HOATZ: variants seen among roughly 807,000 people sequenced by gnomAD.
HOATZ encodes HOATZ cilia and flagella associated protein.
Under a neutral mutation model 24.9 loss-of-function variants are expected in HOATZ, and 26 were observed. The observed-to-expected ratio is 1.04, with a 90% confidence interval of 0.76 to 1.45. The LOEUF (loss-of-function observed/expected upper bound fraction) is 1.45. Ranked by LOEUF, HOATZ falls within the 40% of genes most tolerant of loss-of-function variation. The pLI is 0.00. For synonymous variants in HOATZ, 83 were observed against 76.6 expected (o/e 1.08, Z -0.43); for missense variants, 226 against 201.5 (o/e 1.12, Z -0.74).
chr11:111,521,402 A>G (rs1367549690), intron 3 of HOATZ, among the ~76,000 whole-genome samples: 1 of 152,228 alleles, frequency 6.6e-6, no homozygotes, highest in Non-Finnish European at 1.5e-5. Context: ...GCAAAAATGT[A>G]GGGAATTTCC....
chr11:111,517,024 A>C (rs1281967479), intron 3 of HOATZ, among the ~76,000 whole-genome samples: 1 of 152,198 alleles, frequency 6.6e-6, no homozygotes, highest in African/African-American at 2.4e-5. Context: ...GCAAAAATAG[A>C]GGATTCATTT....
Position 111,516,077 on chromosome 11 carries a change from G to C in HOATZ, c.306G>C (p.Gln102His). Residue 102 changes from glutamine to histidine, a missense_variant, in exon 3 of 6, where the codon CAG becomes CAC. Physicochemically the swap from Gln to His is conservative, Grantham distance 24. Coordinates refer to ENST00000375618, the MANE Select transcript of HOATZ (RefSeq NM_001100388.2). ...TCTTTGCCGAAGCCCTAAAGATACA[G>C]GAATCTGAGGAGAAAGTAAAGTATC... is the stretch of plus-strand genomic sequence containing the variant. ...RDIFAEALKI[Q>H]ESEEKVKYLQ... is the part of the protein sequence containing the mutation. 1 of 1,600,568 alleles carries C rather than the reference G, an allele frequency of 6.2e-7. No homozygotes were observed. The highest frequency in any genetic ancestry group is 8.5e-7 in the Non-Finnish European group (1 of 1,172,316).
intron 3 of HOATZ, among the ~76,000 whole-genome samples, chr11:111,517,161 G>A (rs1476189387): frequency 5.9e-5 from 9 of 152,034 alleles, no homozygotes; most frequent in Non-Finnish European, 1.0e-4. Flanking sequence ...TGGACTACTG[G>A]TGCTTCCCTC....
rs1565254835 is a variant in HOATZ at position 111,534,515 on chromosome 11, AG to A, written c.452+54del. 3 of 1,364,368 alleles carry A rather than the reference AG, an allele frequency of 2.2e-6. No individual in the cohort carries two copies. The South Asian group carries it at 3.6e-5, about 16-fold the overall frequency. 84.5% of individuals were successfully genotyped at this position (1,364,368 alleles called of 1,614,324 possible). Reference sequence around the variant, plus strand: ...TCTCTCACCTTTCAACTTACTGTGTAGGGAAGCATTTCTTTTTTCTTACTTT... The same window carrying A: ...TCTCTCACCTTTCAACTTACTGTGTAGGAAGCATTTCTTTTTTCTTACTTT... On this transcript the variant is annotated intron_variant, in intron 5 of 5. Coordinates refer to ENST00000375618, the MANE Select transcript of HOATZ (RefSeq NM_001100388.2).
chr11:111,533,431 A>C (rs1867414508), intron 3 of HOATZ, among the ~76,000 whole-genome samples: 1 of 152,028 alleles, frequency 6.6e-6, no homozygotes, highest in Admixed American at 6.6e-5. Flanking sequence ...AATAAATATT[A>C]GTTTTTTTTT....
At chr11:111,529,792 G>A (rs913921163) in intron 3 of HOATZ, among the ~76,000 whole-genome samples, 54 of 152,146 alleles carry the variant, frequency 3.5e-4, no homozygotes, top group African/African-American at 1.3e-3. Context: ...TGTTTATTAA[G>A]AGCTTTTTTT....
intron 3 of HOATZ, among the ~76,000 whole-genome samples, chr11:111,531,804 C>T (rs1867396071): frequency 6.6e-6 from 1 of 152,168 alleles, no homozygotes; most frequent in South Asian, 2.1e-4. Context: ...GCACCCAGTT[C>T]ACCAGCCAAG....
rs1867293041 is a variant in HOATZ, at chr11:111,523,294, T to G, written c.339+7184T>G. Among the ~76,000 whole-genome samples, 4 of 151,146 alleles carry G rather than the reference T, an allele frequency of 2.6e-5. No individual in the cohort carries two copies. In the South Asian group the frequency reaches 8.4e-4, roughly 32 times the overall value. The stretch of plus-strand genomic sequence containing the variant: ...TCCTAAGTGCAAGAAGGTTGTGATG[T>G]GCCCTATGGATAAAATATATGTATT... On this transcript the variant is annotated intron_variant, in intron 3 of 5. Transcript: ENST00000375618.
At chr11:111,517,687 G>C (rs1413539214) in intron 3 of HOATZ, among the ~76,000 whole-genome samples, 1 of 152,102 alleles carries the variant, frequency 6.6e-6, no homozygotes, top group Non-Finnish European at 1.5e-5. Context: ...TATCATGATA[G>C]ATATATGCAC....
chr11:111,534,793 T>A (rs1867433043), intron 5 of HOATZ: 2 of 229,414 alleles, frequency 8.7e-6, no homozygotes, highest in South Asian at 2.0e-4. Flanking sequence ...CACTGTCCCC[T>A]ATCCACACCT....
chr11:111,517,260 AG>A (rs1867216779), intron 3 of HOATZ, among the ~76,000 whole-genome samples: 1 of 152,180 alleles, frequency 6.6e-6, no homozygotes, highest in Non-Finnish European at 1.5e-5. Flanking sequence ...CTTTTTAGGG[AG>A]GGGGAAAGCC....
intron 3 of HOATZ, among the ~76,000 whole-genome samples, chr11:111,522,839 G>T (rs1211126744): frequency 1.3e-5 from 2 of 152,108 alleles, no homozygotes; most frequent in African/African-American, 4.8e-5. Flanking sequence ...AAAAAATTGA[G>T]GCTGGGCAGG....
chr11:111,530,543 A>C, intron 3 of HOATZ, among the ~76,000 whole-genome samples: 1 of 152,174 alleles, frequency 6.6e-6, no homozygotes, highest in East Asian at 1.9e-4. Flanking sequence ...TTATTTTTTC[A>C]GGAATAGTAT....
rs182945291 is a variant in HOATZ, at chr11:111,522,255, T to A, written c.339+6145T>A. ...AGATGCAAAATGAAGCAAAAAAGGA[T>A]CATGTACATTTTTCCTTTTTAAAAT... On this transcript the variant is annotated intron_variant, in intron 3 of 5. Coordinates refer to ENST00000375618, the MANE Select transcript of HOATZ (RefSeq NM_001100388.2). Among the ~76,000 whole-genome samples the A allele has an allele frequency of 3.4e-3, 512 of 152,346 alleles. 2 individuals are homozygous for A. Among genetic ancestry groups the A allele is most frequent in the Middle Eastern group, 0.02 (6 of 294 alleles).
At chr11:111,526,586 C>T (rs1867341383) in intron 3 of HOATZ, 1 of 150,312 alleles carries the variant, frequency 6.7e-6, no homozygotes, top group African/African-American at 2.5e-5. Context: ...AAACAGGAAA[C>T]ATTAGATGAA....
chr11:111,514,816 G>A lies in HOATZ; in HGVS notation c.32G>A (p.Gly11Asp), dbSNP rs1165265727. 2.5e-6 allele frequency: 4 copies of A among 1,613,930 alleles called. No individual in the cohort carries two copies. Among genetic ancestry groups the A allele is most frequent in the African/African-American group, 1.3e-5 (1 of 74,908 alleles). The change falls in exon 1 of 6, where the codon GGC becomes GAC. Residue 11 changes from glycine (G) to aspartate (D), a missense_variant. Physicochemically the swap from Gly to Asp is moderately conservative, Grantham distance 94. Transcript: ENST00000375618. ...ACGGGACCCAGCGAAGAACCTAGCG[G>A]CCGAAAAGAGTCCCAGGAAATGTGC... METGPSEEPS[G>D]RKESQEMCPP...
chr11:111,524,572 G>A (rs1208184203), intron 3 of HOATZ, among the ~76,000 whole-genome samples: 2 of 152,152 alleles, frequency 1.3e-5, no homozygotes, highest in Non-Finnish European at 1.5e-5. Flanking sequence ...TGGTACCAAA[G>A]AGAGGCTTGG....
chr11:111,515,466 T>C lies in HOATZ; in HGVS notation c.227-45T>C, dbSNP rs779291081. On this transcript the variant is annotated intron_variant, in intron 1 of 5. Transcript: ENST00000375618. ...AAAAATTCAAACGCCTTTAATGTTGTTGACTTTTCCAATGATTTCTTTACT... is the reference window on the plus strand; with the variant it reads ...AAAAATTCAAACGCCTTTAATGTTGCTGACTTTTCCAATGATTTCTTTACT... 5 of 1,548,134 alleles carry C rather than the reference T, an allele frequency of 3.2e-6. No individual in the cohort carries two copies. The East Asian group carries it at 1.1e-4, about 35-fold the overall frequency.
rs775029624 is a variant in HOATZ at position 111,514,823 on chromosome 11, A to G, written c.39A>G (p.Lys13=). 1.1e-5 allele frequency: 18 copies of G among 1,613,946 alleles called. No homozygotes were observed. The highest frequency in any genetic ancestry group is 1.4e-5 in the Non-Finnish European group (17 of 1,180,002). ...CCAGCGAAGAACCTAGCGGCCGAAA[A>G]GAGTCCCAGGAAATGTGCCCCCCGG... The part of the protein sequence containing the change: ...TGPSEEPSGR[K]ESQEMCPPGL... The change falls in exon 1 of 6, where the codon AAA becomes AAG. Residue 13 remains lysine, a synonymous_variant. Coordinates refer to ENST00000375618, the MANE Select transcript of HOATZ (RefSeq NM_001100388.2).
Sources: allele counts gnomAD v4.1 joint callset (sites outside exome capture counted in the v4.1 genomes callset), GRCh38; gene constraint gnomAD v4.1.1; transcripts MANE v1.5; gene names NCBI Gene and HGNC (gene_info 2026-07-23, HGNC 2026-07-21).